The following CFAP54 variants were observed in gnomAD, a reference collection of about 807,000 sequenced individuals.
The protein encoded by CFAP54 is cilia- and flagella-associated protein 54.
In CFAP54, 290 loss-of-function variants were observed where a neutral mutation model predicts 370.4. The observed-to-expected ratio is 0.78, with a 90% CI of 0.71 to 0.86. The LOEUF (loss-of-function observed/expected upper bound fraction) is 0.86. Ranked by LOEUF, CFAP54 falls within the 40% of genes least tolerant of loss-of-function variation. The probability of loss-of-function intolerance (pLI) is 0.00; values close to 1 mark genes in which losing one functional copy is unlikely to be tolerated. For synonymous variants in CFAP54, 1,206 were observed against 1,236.5 expected (o/e 0.98, Z 0.52); for missense variants, 3,399 against 3,528.7 (o/e 0.96, Z 0.93).
intron 33 of CFAP54, chr12:96,646,175 T>C (rs1200775383): frequency 6.6e-6 from 1 of 152,054 alleles, no homozygotes; most frequent in Non-Finnish European, 1.5e-5. Flanking sequence ...ACCTACAGAA[T>C]GGGAGAAAAT....
intron 60 of CFAP54, among the ~76,000 whole-genome samples, chr12:96,783,420 G>C (rs975973284): frequency 7.2e-5 from 11 of 152,138 alleles, no homozygotes; most frequent in Admixed American, 3.3e-4. Context: ...GACAACCACT[G>C]TTCTAATCAA....
chr12:96,743,622 A>G, intron 53 of CFAP54, 63 bp downstream of exon 53: 1 of 1,601,268 alleles, frequency 6.2e-7, no homozygotes, highest in South Asian at 1.1e-5. Context: ...ACAAAAGGAG[A>G]GAATTTCAAA....
chr12:96,695,263 G>A (rs975288397), intron 45 of CFAP54, among the ~76,000 whole-genome samples: 7 of 152,240 alleles, frequency 4.6e-5, no homozygotes, highest in African/African-American at 1.7e-4. Flanking sequence ...TACTCTCTGC[G>A]TTTTGTCCCC....
chr12:96,516,003 C>G (rs1014604237), intron 5 of CFAP54, among the ~76,000 whole-genome samples: 3 of 150,588 alleles, frequency 2.0e-5, no homozygotes, highest in African/African-American at 7.4e-5. Flanking sequence ...GCAAGCTCCA[C>G]CTCCCGGGTT....
At chr12:96,650,871 T>A (rs146749623) in intron 35 of CFAP54, among the ~76,000 whole-genome samples, 55 of 152,350 alleles carry the variant, frequency 3.6e-4, no homozygotes, top group Non-Finnish European at 7.4e-5. Context: ...GAGCTGGTCC[T>A]GAGCACCTTG....
At chr12:96,738,608 C>CTT (rs71068829) in intron 50 of CFAP54, among the ~76,000 whole-genome samples, 24,958 of 126,552 alleles carry the variant, frequency 0.2, 3,134 homozygotes, top group East Asian at 0.5. Context: ...TCTAAATCTC[C>CTT]TTTTTTTTTT....
intron 32 of CFAP54, among the ~76,000 whole-genome samples, chr12:96,630,903 T>C (rs774011066): frequency 3.7e-4 from 57 of 152,148 alleles, no homozygotes; most frequent in Non-Finnish European, 5.7e-4. Context: ...AAGGTGGTGG[T>C]GGCAATAGTT....
chr12:96,609,147 C>T (rs1302485036), intron 26 of CFAP54, among the ~76,000 whole-genome samples: 1 of 152,096 alleles, frequency 6.6e-6, no homozygotes, highest in Non-Finnish European at 1.5e-5. Context: ...GTTCAGGGCC[C>T]AAAATATTAA....
At chr12:96,526,847 A>G (rs1031726503) in intron 8 of CFAP54, among the ~76,000 whole-genome samples, 3 of 145,192 alleles carry the variant, frequency 2.1e-5, no homozygotes, top group South Asian at 2.1e-4. Flanking sequence ...CTGTTTTAGC[A>G]TTGTAAGCAT....
intron 8 of CFAP54, among the ~76,000 whole-genome samples, chr12:96,526,024 GA>G (rs1164819605): frequency 6.6e-6 from 1 of 152,210 alleles, no homozygotes; most frequent in Non-Finnish European, 1.5e-5. Context: ...TCTATGGATT[GA>G]AAAGGTACAC....
At position 96,489,757 on chromosome 12, in the gene CFAP54, A is replaced by C. The variant is rs1363756403; in HGVS notation, c.148A>C (p.Thr50Pro). The C allele has an allele frequency of 2.0e-6, 3 of 1,535,682 alleles. No homozygotes were observed. In the African/African-American group the frequency reaches 4.1e-5, roughly 21 times the overall value. Residue 50 changes from threonine to proline, a missense_variant, in exon 1 of 68, where the codon ACC becomes CCC. Coordinates refer to ENST00000524981, the MANE Select transcript of CFAP54 (RefSeq NM_001306084.2). ...CTCCCGGAGCTCGCTGCTTCAGTGGACCTGCCCCGAGGACTCATTGCCCCT... is the reference window on the plus strand; with the variant it reads ...CTCCCGGAGCTCGCTGCTTCAGTGGCCCTGCCCCGAGGACTCATTGCCCCT... ...GSSRSSLLQW[T>P]CPEDSLPLAV...
intron 2 of CFAP54, chr12:96,501,348 T>A: frequency 6.3e-6 from 1 of 158,068 alleles, no homozygotes; most frequent in East Asian, 1.9e-4. Flanking sequence ...CTTGCAGCTC[T>A]GTTGCTTGCT....
At chr12:96,800,857 G>T (rs1422189818) in intron 63 of CFAP54, among the ~76,000 whole-genome samples, 3 of 152,202 alleles carry the variant, frequency 2.0e-5, no homozygotes, top group Non-Finnish European at 4.4e-5. Flanking sequence ...TGAGACACAG[G>T]ATGGAAGAAT....
At chr12:96,860,164 A>G (rs1222662145) in intron 66 of CFAP54, among the ~76,000 whole-genome samples, 1 of 138,810 alleles carries the variant, frequency 7.2e-6, no homozygotes. Context: ...TTTTTTAACC[A>G]GGATTCAGAC....
chr12:96,758,892 G>A (rs1565967800), intron 58 of CFAP54, among the ~76,000 whole-genome samples: 1 of 152,156 alleles, frequency 6.6e-6, no homozygotes, highest in Non-Finnish European at 1.5e-5. Flanking sequence ...CGGTCTGTGG[G>A]CCACACGTGA....
At chr12:96,709,544 G>A (rs1957586704) in intron 48 of CFAP54, among the ~76,000 whole-genome samples, 1 of 151,990 alleles carries the variant, frequency 6.6e-6, no homozygotes, top group Non-Finnish European at 1.5e-5. Context: ...TTTTATCATT[G>A]AAAGGGTGTT....
intron 6 of CFAP54, among the ~76,000 whole-genome samples, chr12:96,521,279 G>T (rs572020426): frequency 1.3e-5 from 2 of 152,158 alleles, no homozygotes; most frequent in East Asian, 3.8e-4. Context: ...GAACTCATTT[G>T]TTATCTCTAG....
intron 26 of CFAP54, among the ~76,000 whole-genome samples, chr12:96,600,949 ATTTC>A (rs1565909600): frequency 6.6e-6 from 1 of 152,104 alleles, no homozygotes; most frequent in Non-Finnish European, 1.5e-5. Context: ...AATACCCTTT[ATTTC>A]TTTCTCTTAC....
At chr12:96,510,252 C>CAAAAAAAA (rs199654204) in intron 4 of CFAP54, among the ~76,000 whole-genome samples, 1 of 88,426 alleles carries the variant, frequency 1.1e-5, no homozygotes, top group Admixed American at 1.2e-4. Context: ...GACTCCATCT[C>CAAAAAAAA]AAAAAAAAAA....
Sources: gnomAD v4.1 joint callset for allele counts (sites outside exome capture counted in the v4.1 genomes callset) on GRCh38, gnomAD v4.1.1 for gene constraint, MANE v1.5 for transcripts, NCBI Gene and HGNC (gene_info 2026-07-23, HGNC 2026-07-21) for gene names.